Variants in RNGTT observed in about 807,000 individuals in gnomAD.
RNGTT encodes the protein mRNA-capping enzyme.
Under a neutral mutation model 79.3 loss-of-function variants are expected in RNGTT, and 33 were observed. The ratio of observed to expected loss-of-function variants is 0.42; its 90% CI spans 0.32 to 0.56. RNGTT has a LOEUF of 0.56. Ranked by LOEUF, RNGTT falls within the 20% of genes least tolerant of loss-of-function variation. RNGTT has a pLI of 0.17. For missense variants in RNGTT, 497 were observed against 739.1 expected (o/e 0.67, Z 3.80); for synonymous variants, 222 against 235.9 (o/e 0.94, Z 0.54).
In RNGTT at chr6:88,860,224, G is replaced by C. The variant is rs373151765; in HGVS notation, c.897-6460C>G. 2.6e-5 allele frequency among the ~76,000 whole-genome samples: 4 copies of C among 152,326 alleles called. No individual in the cohort carries two copies. The East Asian group carries it at 5.8e-4, about 22-fold the overall frequency. ...TCAATATGCTATTTACTGGATATGT[G>C]ACTGAGAAAATGAGAGAAGTTCCAA... On this transcript the variant is annotated intron_variant, in intron 8 of 15. Coordinates refer to ENST00000369485, the MANE Select transcript of RNGTT (RefSeq NM_003800.5).
intron 13 of RNGTT, among the ~76,000 whole-genome samples, chr6:88,683,134 T>C (rs1424051458): frequency 1.3e-5 from 2 of 151,924 alleles, no homozygotes; most frequent in Admixed American, 6.6e-5. Context: ...GAGATAACAA[T>C]TAGCAGAAAT....
In RNGTT at chr6:88,612,742, T is replaced by G; in HGVS notation, c.1771A>C (p.Lys591Gln). ...DTELMPPPPPKRPRPLT is the reference protein window; with the variant it reads ...DTELMPPPPPQRPRPLT ...TCTTAGGTTAAAGGGCGTGGTCTTTTGGGAGGTGGTGGTGGCATGAGCTCC... is the reference window on the plus strand; with the variant it reads ...TCTTAGGTTAAAGGGCGTGGTCTTTGGGGAGGTGGTGGTGGCATGAGCTCC... The change falls in exon 16 of 16, where the codon AAA becomes CAA. Residue 591 changes from lysine to glutamine, a missense_variant. Physicochemically the swap from Lys to Gln is moderately conservative, Grantham distance 53 (BLOSUM62 1). This residue lies in a region of RNGTT where 53 missense variants were observed against 50.5 expected (regional missense o/e 1.05). Coordinates refer to ENST00000369485, the MANE Select transcript of RNGTT (RefSeq NM_003800.5). 1 of 1,612,910 alleles carries G rather than the reference T, an allele frequency of 6.2e-7. No homozygotes were observed. Among genetic ancestry groups the G allele is most frequent in the Non-Finnish European group, 8.5e-7 (1 of 1,179,910 alleles).
intron 11 of RNGTT, among the ~76,000 whole-genome samples, chr6:88,806,460 G>A (rs1007277605): frequency 1.3e-4 from 20 of 151,826 alleles, no homozygotes; most frequent in Non-Finnish European, 2.5e-4. Flanking sequence ...TAGATTACAG[G>A]CGCGCACCAC....
chr6:88,672,923 T>C (rs1382298016), intron 14 of RNGTT, among the ~76,000 whole-genome samples: 2 of 152,096 alleles, frequency 1.3e-5, no homozygotes, highest in African/African-American at 2.4e-5. Flanking sequence ...TAATGCTCCA[T>C]TTTATATATT....
chr6:88,803,697 C>A (rs757028113), intron 11 of RNGTT, among the ~76,000 whole-genome samples: 5 of 147,770 alleles, frequency 3.4e-5, no homozygotes, highest in Non-Finnish European at 5.9e-5. Flanking sequence ...AAAAATGTAA[C>A]CTTTAATCTT....
intron 12 of RNGTT, among the ~76,000 whole-genome samples, chr6:88,776,120 T>A: frequency 6.6e-6 from 1 of 152,108 alleles, no homozygotes; most frequent in East Asian, 1.9e-4. Flanking sequence ...CATACTGTTT[T>A]CCATAATGGT....
chr6:88,907,116 GA>G (rs1435235795), intron 4 of RNGTT, among the ~76,000 whole-genome samples: 2 of 152,144 alleles, frequency 1.3e-5, no homozygotes, highest in East Asian at 1.9e-4. Flanking sequence ...ATTTTTAAAA[GA>G]AAGAAACCAG....
intron 4 of RNGTT, among the ~76,000 whole-genome samples, chr6:88,924,806 C>T (rs1784270152): frequency 6.7e-6 from 1 of 149,380 alleles, no homozygotes; most frequent in Non-Finnish European, 1.5e-5. Flanking sequence ...TCACTATAGC[C>T]TCAAACTCCT....
chr6:88,720,270 T>C (rs1026815422), intron 13 of RNGTT, among the ~76,000 whole-genome samples: 1 of 152,124 alleles, frequency 6.6e-6, no homozygotes, highest in African/African-American at 2.4e-5. Flanking sequence ...AAATTATTAT[T>C]AAATCTATAC....
chr6:88,740,745 A>G (rs1364632462), intron 13 of RNGTT, among the ~76,000 whole-genome samples: 3 of 152,066 alleles, frequency 2.0e-5, no homozygotes, highest in African/African-American at 7.2e-5. Context: ...GGAACAACAC[A>G]CACCAAGGCC....
chr6:88,685,762 C>T (rs1775254857), intron 13 of RNGTT, among the ~76,000 whole-genome samples: 1 of 151,952 alleles, frequency 6.6e-6, no homozygotes, highest in South Asian at 2.1e-4. Flanking sequence ...TAAGTACTCT[C>T]AGCAAATAAG....
chr6:88,700,043 C>T (rs571663900), intron 13 of RNGTT, among the ~76,000 whole-genome samples: 6 of 152,158 alleles, frequency 3.9e-5, no homozygotes, highest in Admixed American at 3.3e-4. Flanking sequence ...CTGATTTGTA[C>T]ATTTGAAAAT....
At chr6:88,745,842 C>G (rs1379520654) in intron 13 of RNGTT, among the ~76,000 whole-genome samples, 1 of 151,890 alleles carries the variant, frequency 6.6e-6, no homozygotes, top group East Asian at 1.9e-4. Flanking sequence ...TTATATACTT[C>G]AAATATAACT....
chr6:88,787,794 G>A (rs1779281160), intron 12 of RNGTT, among the ~76,000 whole-genome samples: 1 of 152,178 alleles, frequency 6.6e-6, no homozygotes, highest in East Asian at 1.9e-4. Context: ...AGTAGTAGCA[G>A]TGACAATGGA....
intron 13 of RNGTT, among the ~76,000 whole-genome samples, chr6:88,748,675 A>G (rs532273553): frequency 2.0e-5 from 3 of 152,276 alleles, no homozygotes; most frequent in African/African-American, 7.2e-5. Context: ...TTGCATGAAT[A>G]TATCACAAGC....
At chr6:88,700,313 A>G (rs1257244421) in intron 13 of RNGTT, among the ~76,000 whole-genome samples, 4 of 152,000 alleles carry the variant, frequency 2.6e-5, no homozygotes, top group Admixed American at 2.0e-4. Flanking sequence ...CCAAACTTTC[A>G]TTTCTAATTG....
chr6:88,743,261 G>A (rs1777555383), intron 13 of RNGTT, among the ~76,000 whole-genome samples: 1 of 148,860 alleles, frequency 6.7e-6, no homozygotes, highest in Non-Finnish European at 1.5e-5. Flanking sequence ...TTTTAGACAA[G>A]TTCCTGAACC....
intron 6 of RNGTT, 29 bp from the exon 7 acceptor site, chr6:88,891,944 GA>G: frequency 7.2e-7 from 1 of 1,394,146 alleles, no homozygotes; most frequent in Non-Finnish European, 9.7e-7. Context: ...AAAAATAAGG[GA>G]AAGAAAAATA....
intron 11 of RNGTT, among the ~76,000 whole-genome samples, chr6:88,827,236 A>T (rs973680036): frequency 2.0e-5 from 3 of 152,064 alleles, no homozygotes; most frequent in African/African-American, 4.8e-5. Context: ...CAGCCCATAG[A>T]GGGTGAGCTG....
Sources: allele counts gnomAD v4.1 joint callset (sites outside exome capture counted in the v4.1 genomes callset), GRCh38; gene constraint gnomAD v4.1.1; regional missense constraint gnomAD v4.1.1; transcripts MANE v1.5; gene names NCBI Gene and HGNC (gene_info 2026-07-23, HGNC 2026-07-21).